Variants in ITPR2 observed in about 807,000 individuals in gnomAD.
ITPR2 encodes the protein inositol 1,4,5-trisphosphate-gated calcium channel ITPR2.
In ITPR2, 207 loss-of-function variants were observed where a neutral mutation model predicts 317.1. That is an observed-to-expected ratio of 0.65 (90% CI 0.58 to 0.73). ITPR2 has a LOEUF of 0.73. Among genes scored for constraint, ITPR2 ranks in the 30% least tolerant of loss-of-function variants. The pLI is 0.00. For synonymous variants in ITPR2, 1,156 were observed against 1,149.1 expected (o/e 1.01, Z -0.12); for missense variants, 2,613 against 3,284.0 (o/e 0.80, Z 4.99).
intron 10 of ITPR2, among the ~76,000 whole-genome samples, chr12:26,694,397 G>C (rs1948297008): frequency 6.6e-6 from 1 of 152,096 alleles, no homozygotes; most frequent in African/African-American, 2.4e-5. Context: ...TCCTCTTCCT[G>C]ACAACATTCT....
chr12:26,361,513 T>C (rs1938831251), intron 55 of ITPR2, among the ~76,000 whole-genome samples: 1 of 152,198 alleles, frequency 6.6e-6, no homozygotes, highest in East Asian at 1.9e-4. Context: ...ATCCAGCTTG[T>C]ATTGGTTTAG....
chr12:26,522,745 TC>T (rs1250082187), intron 37 of ITPR2, among the ~76,000 whole-genome samples: 1 of 152,158 alleles, frequency 6.6e-6, no homozygotes, highest in Non-Finnish European at 1.5e-5. Flanking sequence ...TAGAAAATAA[TC>T]TACTCACATC....
rs1019227550 is a variant in ITPR2, at chr12:26,663,725, C to T, written c.1673G>A (p.Arg558His). ...PYKYMLRLCYRVLRHSQQDYR... is the reference protein window; with the variant it reads ...PYKYMLRLCYHVLRHSQQDYR... Reference sequence around the variant, plus strand: ...ATCCTGCTGCGAGTGTCTCAGGACGCGGTAACAGAGCCGCAGCATGTACTT... The same window carrying T: ...ATCCTGCTGCGAGTGTCTCAGGACGTGGTAACAGAGCCGCAGCATGTACTT... The change falls in exon 15 of 57, where the codon CGC becomes CAC. Residue 558 changes from arginine (R) to histidine (H), a missense_variant. By Grantham distance (29) the Arg-to-His change is conservative. Transcript: ENST00000381340. 14 of 1,613,526 alleles carry T rather than the reference C, an allele frequency of 8.7e-6. No homozygotes were observed. The highest frequency in any genetic ancestry group is 2.2e-5 in the South Asian group (2 of 90,898).
At chr12:26,764,438 T>C (rs1949685511) in intron 2 of ITPR2, among the ~76,000 whole-genome samples, 1 of 152,100 alleles carries the variant, frequency 6.6e-6, no homozygotes, top group Admixed American at 6.6e-5. Flanking sequence ...GGGAAAAATA[T>C]ATGCAAAAGA....
chr12:26,707,963 A>G (rs1948585254), intron 9 of ITPR2, among the ~76,000 whole-genome samples: 1 of 152,222 alleles, frequency 6.6e-6, no homozygotes, highest in Admixed American at 6.5e-5. Context: ...TTCTCAAAAG[A>G]AGACATACAA....
intron 45 of ITPR2, among the ~76,000 whole-genome samples, chr12:26,452,340 G>A (rs1941762278): frequency 6.6e-6 from 1 of 150,922 alleles, no homozygotes; most frequent in Admixed American, 6.6e-5. Flanking sequence ...ATGTTAACAT[G>A]TAGATACTCT....
intron 2 of ITPR2, among the ~76,000 whole-genome samples, chr12:26,787,388 C>T (rs184419328): frequency 2.8e-4 from 42 of 152,322 alleles, no homozygotes; most frequent in African/African-American, 1.0e-3. Flanking sequence ...GCCAGCCTTT[C>T]ACCAGAAGGA....
chr12:26,498,530 G>A (rs1942998185), intron 37 of ITPR2, among the ~76,000 whole-genome samples: 1 of 152,188 alleles, frequency 6.6e-6, no homozygotes, highest in Admixed American at 6.5e-5. Context: ...ATAAACTACA[G>A]GGTTGAAGTT....
chr12:26,366,004 T>A (rs1938996761), intron 55 of ITPR2, among the ~76,000 whole-genome samples: 2 of 152,174 alleles, frequency 1.3e-5, no homozygotes, highest in African/African-American at 4.8e-5. Context: ...AAGAGAAATC[T>A]ATTTTAAAGT....
chr12:26,657,990 G>A (rs1592005635), intron 17 of ITPR2, 21 bp downstream of exon 17: 1 of 1,604,224 alleles, frequency 6.2e-7, no homozygotes, highest in East Asian at 2.2e-5. Flanking sequence ...GGAAAATGAT[G>A]CATCCATTAT....
At chr12:26,827,880 A>G (rs896588030) in intron 1 of ITPR2, among the ~76,000 whole-genome samples, 2 of 152,230 alleles carry the variant, frequency 1.3e-5, no homozygotes, top group Non-Finnish European at 2.9e-5. Context: ...AAATATATAC[A>G]GTGTCAATGT....
At chr12:26,354,266 T>TA in intron 55 of ITPR2, among the ~76,000 whole-genome samples, 1 of 6,876 alleles carries the variant, frequency 1.5e-4, no homozygotes, top group South Asian at 0.083. Flanking sequence ...AGAGCCAGAC[T>TA]CCCTCAAAAA....
chr12:26,382,026 CTCCTCAGTCATCA>C (rs1939524683), intron 55 of ITPR2, among the ~76,000 whole-genome samples: 1 of 152,136 alleles, frequency 6.6e-6, no homozygotes. Context: ...TTGTTTGTTC[CTCCTCAGTCATCA>C]TCCTTTGCTT....
chr12:26,601,616 T>C (rs901266951), intron 28 of ITPR2, among the ~76,000 whole-genome samples: 25 of 152,152 alleles, frequency 1.6e-4, no homozygotes, highest in East Asian at 1.9e-4. Flanking sequence ...TTATAACCTA[T>C]TGAATAAAAT....
At chr12:26,566,697 C>A (rs924469781) in intron 34 of ITPR2, among the ~76,000 whole-genome samples, 3 of 152,116 alleles carry the variant, frequency 2.0e-5, no homozygotes, top group African/African-American at 7.2e-5. Context: ...ATAAGGCAAC[C>A]TTAAACAATC....
intron 1 of ITPR2, chr12:26,801,232 G>T (rs913296231): frequency 6.4e-6 from 1 of 156,212 alleles, no homozygotes; most frequent in African/African-American, 2.4e-5. Context: ...GCCACTGAAG[G>T]GATATTTTAT....
chr12:26,737,730 C>T (rs1162878385), intron 2 of ITPR2, among the ~76,000 whole-genome samples: 1 of 152,118 alleles, frequency 6.6e-6, no homozygotes, highest in Admixed American at 6.6e-5. Context: ...CACCCGGACC[C>T]CATAAGTCTT....
intron 26 of ITPR2, among the ~76,000 whole-genome samples, chr12:26,608,397 TC>T (rs1946186385): frequency 6.6e-6 from 1 of 152,172 alleles, no homozygotes; most frequent in African/African-American, 2.4e-5. Flanking sequence ...GGAGCGCCTC[TC>T]CCCGGGCCCC....
chr12:26,500,372 CCA>C (rs1325069776), intron 37 of ITPR2, among the ~76,000 whole-genome samples: 6 of 120,932 alleles, frequency 5.0e-5, no homozygotes, highest in Non-Finnish European at 8.3e-5. Flanking sequence ...AAGAATTTCA[CCA>C]CAGTTGAGAA....
Sources: gnomAD v4.1 joint callset for allele counts (sites outside exome capture counted in the v4.1 genomes callset) on GRCh38, gnomAD v4.1.1 for gene constraint, MANE v1.5 for transcripts, NCBI Gene and HGNC (gene_info 2026-07-23, HGNC 2026-07-21) for gene names.